Variants in KIAA1549L observed in about 807,000 individuals in gnomAD.
The protein encoded by KIAA1549L is KIAA1549 like.
Under a neutral mutation model 160.7 loss-of-function variants are expected in KIAA1549L, and 88 were observed. The observed-to-expected ratio is 0.55, with a 90% confidence interval of 0.46 to 0.65. KIAA1549L has a LOEUF of 0.65. Ranked by LOEUF, KIAA1549L falls within the 30% of genes least tolerant of loss-of-function variation. KIAA1549L has a pLI of 0.00. For missense variants in KIAA1549L, 2,258 were observed against 2,437.5 expected (o/e 0.93, Z 1.55); for synonymous variants, 950 against 976.7 (o/e 0.97, Z 0.51).
At chr11:33,635,060 A>G (rs1194855152) in intron 16 of KIAA1549L, among the ~76,000 whole-genome samples, 2 of 152,222 alleles carry the variant, frequency 1.3e-5, no homozygotes, top group Non-Finnish European at 2.9e-5. Flanking sequence ...AGAAGCTTCC[A>G]GGATGCAGGC....
intron 6 of KIAA1549L, among the ~76,000 whole-genome samples, chr11:33,552,677 C>A (rs2133201306): frequency 6.8e-6 from 1 of 147,180 alleles, no homozygotes; most frequent in African/African-American, 2.6e-5. Context: ...CACACACACA[C>A]ACACACACAC....
chr11:33,391,526 G>A (rs1363552681), intron 1 of KIAA1549L, among the ~76,000 whole-genome samples: 2 of 152,204 alleles, frequency 1.3e-5, no homozygotes, highest in Non-Finnish European at 2.9e-5. Flanking sequence ...TGCCACTTCC[G>A]ACGGCGTGTC....
At chr11:33,398,399 C>G (rs548691725) in intron 1 of KIAA1549L, among the ~76,000 whole-genome samples, 2 of 152,048 alleles carry the variant, frequency 1.3e-5, no homozygotes, top group African/African-American at 2.4e-5. Context: ...ACTTTTATGG[C>G]AATTAGGCAT....
chr11:33,641,593 T>C (rs1851583857), intron 16 of KIAA1549L, among the ~76,000 whole-genome samples: 1 of 11,848 alleles, frequency 8.4e-5, no homozygotes, highest in Non-Finnish European at 1.3e-4. Context: ...TATATATATA[T>C]ATATATATAT....
At chr11:33,549,820 G>A (rs536381152) in intron 4 of KIAA1549L, among the ~76,000 whole-genome samples, 16 of 152,128 alleles carry the variant, frequency 1.1e-4, no homozygotes, top group Non-Finnish European at 1.9e-4. Flanking sequence ...CGTGGGCAAC[G>A]TAGTGAGAAC....
intron 16 of KIAA1549L, among the ~76,000 whole-genome samples, chr11:33,640,084 G>A (rs528310387): frequency 2.6e-5 from 4 of 151,984 alleles, no homozygotes; most frequent in Non-Finnish European, 5.9e-5. Flanking sequence ...CCTTATATAT[G>A]TGTGCATATA....
chr11:33,617,500 C>T (rs985529212), intron 15 of KIAA1549L, among the ~76,000 whole-genome samples: 1 of 152,124 alleles, frequency 6.6e-6, no homozygotes, highest in East Asian at 1.9e-4. Flanking sequence ...TGCTCTGTGC[C>T]CAGATCAATG....
intron 1 of KIAA1549L, among the ~76,000 whole-genome samples, chr11:33,461,330 G>A (rs534013999): frequency 1.8e-4 from 28 of 152,290 alleles, no homozygotes; most frequent in African/African-American, 2.4e-5. Context: ...CAGCAGCACC[G>A]CATGGTAGCT....
intron 17 of KIAA1549L, among the ~76,000 whole-genome samples, chr11:33,651,855 T>TC (rs1851900054): frequency 1.1e-4 from 1 of 8,858 alleles, no homozygotes; most frequent in Non-Finnish European, 2.0e-4. Flanking sequence ...CCCCTCCCAT[T>TC]CCCCTCCCCT....
chr11:33,480,277 ATC>A (rs951581685), intron 1 of KIAA1549L, among the ~76,000 whole-genome samples: 3 of 151,864 alleles, frequency 2.0e-5, no homozygotes, highest in Non-Finnish European at 2.9e-5. Context: ...TCTCCTTTCT[ATC>A]TCTGTGGATT....
chr11:33,537,917 A>G (rs184324200), intron 1 of KIAA1549L, among the ~76,000 whole-genome samples: 7 of 152,326 alleles, frequency 4.6e-5, no homozygotes, highest in South Asian at 4.1e-4. Context: ...TTTCCCCTAA[A>G]TCTTTAAATA....
chr11:33,585,290 G>T (rs190361876), intron 11 of KIAA1549L, among the ~76,000 whole-genome samples: 1 of 152,106 alleles, frequency 6.6e-6, no homozygotes, highest in Non-Finnish European at 1.5e-5. Context: ...AGGCCGAGGC[G>T]GGCGGATCAC....
chr11:33,380,928 C>G (rs1263719018), intron 1 of KIAA1549L, among the ~76,000 whole-genome samples: 3 of 151,952 alleles, frequency 2.0e-5, no homozygotes, highest in African/African-American at 7.2e-5. Flanking sequence ...TTCATTCATT[C>G]CTTTATTCAG....
intron 1 of KIAA1549L, among the ~76,000 whole-genome samples, chr11:33,397,747 C>CACACAA (rs1278410448): frequency 1.1e-5 from 1 of 90,394 alleles, no homozygotes; most frequent in Non-Finnish European, 2.6e-5. Context: ...CACACACACA[C>CACACAA]ACACACACAA....
intron 1 of KIAA1549L, among the ~76,000 whole-genome samples, chr11:33,431,992 A>G (rs1851256626): frequency 6.6e-6 from 1 of 152,192 alleles, no homozygotes; most frequent in South Asian, 2.1e-4. Context: ...CCCGGGTGCT[A>G]AGTCCCTCAT....
At chr11:33,430,512 C>T (rs967164608) in intron 1 of KIAA1549L, among the ~76,000 whole-genome samples, 10 of 152,200 alleles carry the variant, frequency 6.6e-5, no homozygotes, top group Non-Finnish European at 1.0e-4. Context: ...CCAATTATTT[C>T]TTCTTCAATT....
At chr11:33,430,234 T>TTCCC (rs1259115534) in intron 1 of KIAA1549L, among the ~76,000 whole-genome samples, 2 of 96,230 alleles carry the variant, frequency 2.1e-5, no homozygotes, top group Non-Finnish European at 4.0e-5. Flanking sequence ...CCTTTCATCC[T>TTCCC]TCCCTCCCTC....
chr11:33,554,782 A>G (rs1436404572), intron 6 of KIAA1549L, among the ~76,000 whole-genome samples: 1 of 152,160 alleles, frequency 6.6e-6, no homozygotes, highest in Non-Finnish European at 1.5e-5. Context: ...CAAAGAGGAG[A>G]AATGGTTCCC....
intron 1 of KIAA1549L, among the ~76,000 whole-genome samples, chr11:33,406,920 G>A (rs1006753425): frequency 3.3e-5 from 5 of 152,078 alleles, no homozygotes; most frequent in Admixed American, 3.3e-4. Context: ...GCTGCTGGAG[G>A]TGTAATGTTC....
Sources: gnomAD v4.1 joint callset for allele counts (sites outside exome capture counted in the v4.1 genomes callset) on GRCh38, gnomAD v4.1.1 for gene constraint, MANE v1.5 for transcripts, NCBI Gene and HGNC (gene_info 2026-07-23, HGNC 2026-07-21) for gene names.